ERBB4: variants seen among roughly 807,000 people sequenced by gnomAD.
ERBB4 encodes the protein erb-b2 receptor tyrosine kinase 4.
ERBB4 carries 42 observed loss-of-function variants against 158.0 expected under a neutral mutation model. The ratio of observed to expected loss-of-function variants is 0.27; its 90% CI spans 0.21 to 0.34. The LOEUF is 0.34. Among genes scored for constraint, ERBB4 ranks in the 10% least tolerant of loss-of-function variants. The pLI, the probability that ERBB4 is intolerant of heterozygous loss-of-function variation, is 1.00. For synonymous variants in ERBB4, 583 were observed against 558.7 expected, an observed-to-expected ratio of 1.04 and a Z score of -0.61; for missense variants, 1,333 against 1,624.1, an observed-to-expected ratio of 0.82 and a Z score of 3.08.
chr2:212,393,849 A>G (rs1159005951), intron 1 of ERBB4, among the ~76,000 whole-genome samples: 1 of 152,084 alleles, frequency 6.6e-6, no homozygotes, highest in Non-Finnish European at 1.5e-5. Flanking sequence ...CCTGAGTACT[A>G]GGCCAATGAA....
At chr2:212,458,413 T>A (rs1406241950) in intron 1 of ERBB4, among the ~76,000 whole-genome samples, 1 of 152,096 alleles carries the variant, frequency 6.6e-6, no homozygotes, top group African/African-American at 2.4e-5. Flanking sequence ...GAAAGGTGCA[T>A]GCATGAGAAA....
At chr2:211,436,685 A>G (rs2063862485) in intron 20 of ERBB4, among the ~76,000 whole-genome samples, 1 of 152,232 alleles carries the variant, frequency 6.6e-6, no homozygotes, top group African/African-American at 2.4e-5. Flanking sequence ...CTCAGCTAAT[A>G]TATCACAATG....
At chr2:212,515,880 G>A (rs1054801257) in intron 1 of ERBB4, among the ~76,000 whole-genome samples, 2 of 151,774 alleles carry the variant, frequency 1.3e-5, no homozygotes, top group African/African-American at 4.8e-5. Context: ...ACTCAAAAGA[G>A]TTATCTCCAG....
intron 13 of ERBB4, among the ~76,000 whole-genome samples, chr2:211,674,871 T>C (rs186783927): frequency 1.3e-5 from 2 of 152,266 alleles, no homozygotes; most frequent in East Asian, 3.9e-4. Context: ...TTCATATTAC[T>C]AGAACAAAGG....
At chr2:212,313,721 TC>T (rs2087148270) in intron 1 of ERBB4, among the ~76,000 whole-genome samples, 1 of 151,030 alleles carries the variant, frequency 6.6e-6, no homozygotes, top group Non-Finnish European at 1.5e-5. Flanking sequence ...AGTTTTGTTT[TC>T]CAGAATTATT....
In ERBB4 at chr2:211,381,026, T is replaced by C. The variant is rs2062566166; in HGVS notation, c.*2589A>G. ...AGATTTATTTAGAAAGGGAGGCTTA[T>C]ATTCAATTTTTCATAAGTACTGATA... On this transcript the variant is annotated 3_prime_UTR_variant, in exon 28 of 28. Transcript: ENST00000342788. 3 of 232,334 alleles carry C rather than the reference T, an allele frequency of 1.3e-5. No individual in the cohort carries two copies. In the Admixed American group the frequency reaches 1.7e-4, roughly 13 times the overall value. 14.4% of individuals were successfully genotyped at this position (232,334 alleles called of 1,614,324 possible).
chr2:212,012,915 G>C (rs963448529), intron 2 of ERBB4, among the ~76,000 whole-genome samples: 1 of 151,784 alleles, frequency 6.6e-6, no homozygotes, highest in Non-Finnish European at 1.5e-5. Context: ...TGGTCAACCT[G>C]TTGATTTTTT....
At chr2:211,459,092 CCAATA>C (rs374768615) in intron 20 of ERBB4, among the ~76,000 whole-genome samples, 13 of 152,136 alleles carry the variant, frequency 8.5e-5, no homozygotes, top group African/African-American at 2.4e-4. Context: ...TAATATCTCC[CCAATA>C]CAATACTTTT....
At chr2:212,528,625 G>C (rs112880250) in intron 1 of ERBB4, among the ~76,000 whole-genome samples, 1 of 152,008 alleles carries the variant, frequency 6.6e-6, no homozygotes, top group Non-Finnish European at 1.5e-5. Context: ...ACTCTTTTAG[G>C]CAAATATAAA....
chr2:212,517,618 T>C (rs537254704), intron 1 of ERBB4, among the ~76,000 whole-genome samples: 1 of 152,248 alleles, frequency 6.6e-6, no homozygotes, highest in East Asian at 1.9e-4. Flanking sequence ...TTTTCTTTCA[T>C]TCTCTTCTTT....
intron 1 of ERBB4, among the ~76,000 whole-genome samples, chr2:212,500,423 T>C (rs1690823873): frequency 6.6e-6 from 1 of 152,126 alleles, no homozygotes; most frequent in African/African-American, 2.4e-5. Context: ...TAATATGAAT[T>C]ACCATCTGTC....
At chr2:212,200,585 G>T (rs1315866577) in intron 1 of ERBB4, among the ~76,000 whole-genome samples, 1 of 152,080 alleles carries the variant, frequency 6.6e-6, no homozygotes, top group African/African-American at 2.4e-5. Flanking sequence ...ACACTGTATG[G>T]CTGAAATGTG....
intron 1 of ERBB4, among the ~76,000 whole-genome samples, chr2:212,362,581 G>C (rs1344214629): frequency 6.6e-6 from 1 of 150,562 alleles, no homozygotes; most frequent in Non-Finnish European, 1.5e-5. Context: ...TGGGTTATGA[G>C]ATCCAAAGAA....
intron 20 of ERBB4, among the ~76,000 whole-genome samples, chr2:211,501,311 T>G (rs2065609240): frequency 6.6e-6 from 1 of 151,978 alleles, no homozygotes; most frequent in South Asian, 2.1e-4. Flanking sequence ...CTAACAATAA[T>G]TTATTGTATA....
chr2:211,767,670 C>G (rs1185938029), intron 4 of ERBB4, among the ~76,000 whole-genome samples: 1 of 152,064 alleles, frequency 6.6e-6, no homozygotes, highest in Admixed American at 6.6e-5. Flanking sequence ...AGGAGAAAAG[C>G]CCCTTATAAA....
At chr2:211,540,035 T>C (rs1331543071) in intron 20 of ERBB4, among the ~76,000 whole-genome samples, 1 of 151,904 alleles carries the variant, frequency 6.6e-6, no homozygotes, top group Non-Finnish European at 1.5e-5. Context: ...TCATGCAAAA[T>C]GTCTAAGTCA....
chr2:212,239,400 AT>A lies in ERBB4; in HGVS notation c.83-114498del, dbSNP rs547906647. Among the ~76,000 whole-genome samples, 111 of 152,318 alleles carry A rather than the reference AT, an allele frequency of 7.3e-4. 2 individuals carry two copies. The Middle Eastern group carries it at 0.02, about 28-fold the overall frequency. Reference sequence around the variant, plus strand: ...ATTGCATATGCCCTACATTTCTGACATGGTTGTGTGAATGTTACATGGTACA... The same window carrying A: ...ATTGCATATGCCCTACATTTCTGACAGGTTGTGTGAATGTTACATGGTACA... On this transcript the variant is annotated intron_variant, in intron 1 of 27. Transcript: ENST00000342788.
chr2:211,846,052 G>GTTGT (rs1553644349), intron 3 of ERBB4, among the ~76,000 whole-genome samples: 4 of 145,666 alleles, frequency 2.7e-5, no homozygotes, highest in Non-Finnish European at 4.5e-5. Flanking sequence ...GTTAATTGTT[G>GTTGT]TTTTTTTTTT....
At chr2:211,943,375 C>T (rs2080559940) in intron 3 of ERBB4, among the ~76,000 whole-genome samples, 1 of 152,084 alleles carries the variant, frequency 6.6e-6, no homozygotes, top group African/African-American at 2.4e-5. Context: ...AGGACATCCT[C>T]ATCAAGAGTG....
Sources: allele counts gnomAD v4.1 joint callset (sites outside exome capture counted in the v4.1 genomes callset), GRCh38; gene constraint gnomAD v4.1.1; transcripts MANE v1.5; gene names NCBI Gene and HGNC (gene_info 2026-07-23, HGNC 2026-07-21).